DRC9: variants seen among roughly 807,000 people sequenced by gnomAD.
The protein encoded by DRC9 is dynein regulatory complex subunit 9.
At chr3:197,954,897 T>A in the DRC9 span, among the ~76,000 whole-genome samples, 1 of 152,200 alleles carries the variant, frequency 6.6e-6, no homozygotes. Context: ...CTGGCATAAT[T>A]GTTAATATTT....
At chr3:197,944,121 G>A in the DRC9 span, 1 of 1,358,514 alleles carries the variant, frequency 7.4e-7, no homozygotes, top group Middle Eastern at 2.3e-4. Flanking sequence ...CAAAAGCACA[G>A]GCAGCAACGT....
chr3:197,947,928 C>CTTTTTTT, the DRC9 span, among the ~76,000 whole-genome samples: 12 of 96,794 alleles, frequency 1.2e-4, no homozygotes, highest in Non-Finnish European at 1.8e-4. Context: ...CCTGCTTTAC[C>CTTTTTTT]TTTTTTTTTT....
At chr3:197,914,043 C>T in the DRC9 span, 3 of 1,613,578 alleles carry the variant, frequency 1.9e-6, no homozygotes, top group Middle Eastern at 3.3e-4. Context: ...CATTCTGACT[C>T]TGTAGTGGAA....
At chr3:197,955,882 G>A in the DRC9 span, 1 of 963,580 alleles carries the variant, frequency 1.0e-6, no homozygotes, top group Non-Finnish European at 1.7e-6. Flanking sequence ...AATGATAGAG[G>A]TTGCTCAGCA....
At chr3:197,954,488 C>A in the DRC9 span, 1 of 361,616 alleles carries the variant, frequency 2.8e-6, no homozygotes, top group South Asian at 2.5e-5. Flanking sequence ...CGTGTGCCAC[C>A]ACACCCAGCT....
chr3:197,933,495 A>C, the DRC9 span, among the ~76,000 whole-genome samples: 2 of 152,170 alleles, frequency 1.3e-5, no homozygotes. Flanking sequence ...TCTTTAAAAA[A>C]ATTTTTTTAA....
chr3:197,891,235 G>C, the DRC9 span, among the ~76,000 whole-genome samples: 2 of 152,160 alleles, frequency 1.3e-5, no homozygotes, highest in Non-Finnish European at 2.9e-5. Flanking sequence ...TTTTTCCCCA[G>C]ATGAAGAGCT....
the DRC9 span, chr3:197,889,828 C>G: frequency 7.9e-7 from 1 of 1,268,688 alleles, no homozygotes; most frequent in African/African-American, 1.5e-5. Flanking sequence ...CAGTCTCTCT[C>G]CAGGACATGG....
At chr3:197,931,856 AC>A in the DRC9 span, among the ~76,000 whole-genome samples, 11 of 151,976 alleles carry the variant, frequency 7.2e-5, no homozygotes, top group Admixed American at 4.6e-4. Context: ...TGATCTCCTG[AC>A]CTCGTGATCC....
At chr3:197,903,122 C>T in the DRC9 span, among the ~76,000 whole-genome samples, 1 of 152,068 alleles carries the variant, frequency 6.6e-6, no homozygotes, top group African/African-American at 2.4e-5. Context: ...AACTGAATAT[C>T]CATATGCAGA....
chr3:197,954,685 G>C, the DRC9 span, among the ~76,000 whole-genome samples: 1 of 152,014 alleles, frequency 6.6e-6, no homozygotes, highest in East Asian at 1.9e-4. Context: ...ATAATTTTTT[G>C]TATTTTTGTA....
chr3:197,947,188 T>G, the DRC9 span, among the ~76,000 whole-genome samples: 5 of 152,342 alleles, frequency 3.3e-5, no homozygotes, highest in African/African-American at 1.2e-4. Flanking sequence ...TGTTTTCTTT[T>G]TTGCTTGAAC....
the DRC9 span, chr3:197,913,864 A>C: frequency 1.2e-6 from 2 of 1,613,740 alleles, no homozygotes; most frequent in Non-Finnish European, 1.7e-6. Flanking sequence ...GTTCTTGGCT[A>C]ATGTCCCAGG....
the DRC9 span, among the ~76,000 whole-genome samples, chr3:197,904,106 ATATATTTTT>A: frequency 3.1e-3 from 82 of 26,090 alleles, 1 homozygote; most frequent in Non-Finnish European, 8.4e-3. Flanking sequence ...ATATATATAT[ATATATTTTT>A]TTTTTTAAAG....
At chr3:197,938,756 C>T in the DRC9 span, 1 of 1,612,036 alleles carries the variant, frequency 6.2e-7, no homozygotes, top group Non-Finnish European at 8.5e-7. Context: ...AGATTCGTTC[C>T]TTCTAGATTC....
At chr3:197,911,857 C>A in the DRC9 span, among the ~76,000 whole-genome samples, 1 of 151,840 alleles carries the variant, frequency 6.6e-6, no homozygotes, top group African/African-American at 2.4e-5. Context: ...CCAGGCTGGT[C>A]TCGAACTCCT....
chr3:197,911,883 G>A, the DRC9 span, among the ~76,000 whole-genome samples: 4 of 151,640 alleles, frequency 2.6e-5, no homozygotes, highest in Admixed American at 6.6e-5. Flanking sequence ...CAGGTGATCC[G>A]CTGGCCTCTG....
At chr3:197,895,953 CAACAG>C in the DRC9 span, among the ~76,000 whole-genome samples, 3 of 97,790 alleles carry the variant, frequency 3.1e-5, no homozygotes, top group East Asian at 2.8e-4. Flanking sequence ...CCAGCCTGGG[CAACAG>C]AACAAGACCC....
chr3:197,953,939 TC>T, the DRC9 span: 6 of 1,573,032 alleles, frequency 3.8e-6, no homozygotes, highest in Non-Finnish European at 5.2e-6. Flanking sequence ...CGTGTAGAGG[TC>T]ACCTTGAATT....
Sources: gnomAD v4.1 joint callset for allele counts (sites outside exome capture counted in the v4.1 genomes callset) on GRCh38, gnomAD v4.1.1 for gene constraint, MANE v1.5 for transcripts, NCBI Gene and HGNC (gene_info 2026-07-23, HGNC 2026-07-21) for gene names.